The following HIP1 variants were observed in gnomAD, a reference collection of about 807,000 sequenced individuals.
The protein encoded by HIP1 is huntingtin interacting protein 1, also known as huntingtin-interacting protein 1.
A neutral mutation model predicts 147.6 loss-of-function variants in HIP1; 65 were observed. The observed-to-expected ratio is 0.44, with a 90% CI of 0.36 to 0.54. The LOEUF (loss-of-function observed/expected upper bound fraction) is 0.54, where lower values mean the gene tolerates loss of function less well. Among genes scored for constraint, HIP1 ranks in the 20% least tolerant of loss-of-function variants. The pLI, the probability that HIP1 is intolerant of heterozygous loss-of-function variation, is 0.00. For missense variants in HIP1, 1,061 were observed against 1,299.6 expected (o/e 0.82, Z 2.82); for synonymous variants, 479 against 504.0 (o/e 0.95, Z 0.67).
intron 4 of HIP1, among the ~76,000 whole-genome samples, chr7:75,590,636 A>G (rs1796470228): frequency 6.6e-6 from 1 of 152,226 alleles, no homozygotes; most frequent in African/African-American, 2.4e-5. Flanking sequence ...ACCACAAACC[A>G]CACAAAATCC....
intron 2 of HIP1, among the ~76,000 whole-genome samples, chr7:75,596,794 A>G (rs1796764539): frequency 6.6e-6 from 1 of 152,300 alleles, no homozygotes; most frequent in Non-Finnish European, 1.5e-5. Flanking sequence ...GCAGAATGTC[A>G]GAATCTCCTT....
At chr7:75,564,761 A>AT (rs1356379180) in intron 9 of HIP1, among the ~76,000 whole-genome samples, 3 of 151,836 alleles carry the variant, frequency 2.0e-5, no homozygotes, top group East Asian at 1.9e-4. Flanking sequence ...CACCTGGCTA[A>AT]TTTTTTGTGT....
chr7:75,706,848 G>A (rs1340128935), intron 1 of HIP1, among the ~76,000 whole-genome samples: 1 of 81,088 alleles, frequency 1.2e-5, no homozygotes, highest in African/African-American at 5.2e-5. Context: ...TGATCTCATT[G>A]TTCAATTCCC....
At chr7:75,620,750 C>T (rs1302178399) in intron 1 of HIP1, among the ~76,000 whole-genome samples, 1 of 151,892 alleles carries the variant, frequency 6.6e-6, no homozygotes, top group Non-Finnish European at 1.5e-5. Flanking sequence ...ACAGAGATGA[C>T]GATCTCTGTC....
At chr7:75,571,211 A>C (rs1795619454) in intron 8 of HIP1, among the ~76,000 whole-genome samples, 2 of 152,008 alleles carry the variant, frequency 1.3e-5, no homozygotes, top group African/African-American at 2.4e-5. Flanking sequence ...GCAGGTGTGC[A>C]CCACCATGCC....
chr7:75,554,582 C>A, intron 19 of HIP1, 56 bp from the exon 20 acceptor site: 1 of 1,322,608 alleles, frequency 7.6e-7, no homozygotes, highest in South Asian at 1.2e-5. Flanking sequence ...TGGCTTCATC[C>A]TCGTTAATTA....
At chr7:75,688,976 C>T (rs1554517875) in intron 1 of HIP1, among the ~76,000 whole-genome samples, 1 of 152,154 alleles carries the variant, frequency 6.6e-6, no homozygotes, top group Non-Finnish European at 1.5e-5. Flanking sequence ...GGGCAGCCTG[C>T]CGGCAGCCAG....
chr7:75,621,389 A>G (rs1554507088), intron 1 of HIP1, among the ~76,000 whole-genome samples: 1 of 152,096 alleles, frequency 6.6e-6, no homozygotes, highest in Non-Finnish European at 1.5e-5. Context: ...CCTTTGTTCC[A>G]CATAAGACTG....
chr7:75,687,771 C>A (rs1382137320), intron 1 of HIP1, among the ~76,000 whole-genome samples: 6 of 152,260 alleles, frequency 3.9e-5, no homozygotes, highest in Admixed American at 3.3e-4. Flanking sequence ...TCTCTTATGA[C>A]CCACAAGCTG....
At chr7:75,622,354 G>A (rs371001400) in intron 1 of HIP1, among the ~76,000 whole-genome samples, 13 of 152,098 alleles carry the variant, frequency 8.5e-5, no homozygotes, top group African/African-American at 3.1e-4. Context: ...ACCAAGGAGT[G>A]AGTGCAGATG....
At chr7:75,722,886 T>C (rs1801540978) in intron 1 of HIP1, among the ~76,000 whole-genome samples, 1 of 152,182 alleles carries the variant, frequency 6.6e-6, no homozygotes, top group South Asian at 2.1e-4. Flanking sequence ...ATAAGACTTT[T>C]GTGCATGAGT....
At chr7:75,658,921 A>T (rs1483642815) in intron 1 of HIP1, among the ~76,000 whole-genome samples, 6 of 152,054 alleles carry the variant, frequency 3.9e-5, no homozygotes, top group Non-Finnish European at 8.8e-5. Context: ...ACACACAAAA[A>T]CAAACAAACA....
intron 1 of HIP1, among the ~76,000 whole-genome samples, chr7:75,693,160 G>C (rs1223603227): frequency 1.6e-4 from 23 of 147,964 alleles, no homozygotes; most frequent in African/African-American, 5.6e-4. Context: ...GCGAAACCCT[G>C]TCTCAAAAAA....
chr7:75,670,006 G>A (rs2117242440), intron 1 of HIP1, among the ~76,000 whole-genome samples: 1 of 152,188 alleles, frequency 6.6e-6, no homozygotes, highest in East Asian at 1.9e-4. Flanking sequence ...TCGTCATGTT[G>A]GCCAGGCTAG....
intron 8 of HIP1, among the ~76,000 whole-genome samples, chr7:75,570,755 C>T (rs1489019271): frequency 1.3e-5 from 2 of 151,780 alleles, no homozygotes; most frequent in South Asian, 4.2e-4. Flanking sequence ...AATTGCAATC[C>T]CAGCACTTTG....
Position 75,541,027 on chromosome 7 carries a change from G to A in HIP1, c.2952+892C>T, listed in dbSNP as rs140115892. ...CACCTGTAATCCCAGCCCTTTGGGA[G>A]GCTGAGGCAGGAGGGTTGTGTGAGG... On this transcript the variant is annotated intron_variant, in intron 29 of 30. Coordinates refer to ENST00000336926, the MANE Select transcript of HIP1 (RefSeq NM_005338.7). 8.8e-3 allele frequency among the ~76,000 whole-genome samples: 1,336 copies of A among 152,166 alleles called. 29 individuals are homozygous for A. The highest frequency in any genetic ancestry group is 0.08 in the East Asian group (412 of 5,144).
At chr7:75,598,432 T>G (rs1199643203) in intron 2 of HIP1, among the ~76,000 whole-genome samples, 1 of 150,450 alleles carries the variant, frequency 6.6e-6, no homozygotes, top group Non-Finnish European at 1.5e-5. Context: ...CTTTTTCTTT[T>G]TTTTTTGCTT....
rs1473776539 is a variant in HIP1 at position 75,664,069 on chromosome 7, TATATACACACAC to T, written c.121-64834_121-64823del. On this transcript the variant is annotated intron_variant, in intron 1 of 30. Transcript: ENST00000336926. ...ATATGTGTATATACACATATATGTG[TATATACACACAC>T]ATATACACACATATGTGCATACATA... is the stretch of plus-strand genomic sequence containing the variant. Among the ~76,000 whole-genome samples, 10 of 73,900 alleles carry T rather than the reference TATATACACACAC, an allele frequency of 1.4e-4. 2 individuals carry two copies. The highest frequency in any genetic ancestry group is 1.9e-4 in the African/African-American group (4 of 21,602). The allele number at this position is 73,900 out of a possible 152,430, so 48.5% of individuals were successfully genotyped here. A position where few individuals can be genotyped will look rare whatever the true frequency, so the allele number is the denominator to read the frequency against.
chr7:75,678,782 A>G (rs571742135), intron 1 of HIP1, among the ~76,000 whole-genome samples: 1 of 152,278 alleles, frequency 6.6e-6, no homozygotes, highest in South Asian at 2.1e-4. Flanking sequence ...TTTGAGATGG[A>G]GCAGGGACCC....
Sources: allele counts gnomAD v4.1 joint callset (sites outside exome capture counted in the v4.1 genomes callset), GRCh38; gene constraint gnomAD v4.1.1; transcripts MANE v1.5; gene names NCBI Gene and HGNC (gene_info 2026-07-23, HGNC 2026-07-21).